Variants in XRCC4 observed in about 807,000 individuals in gnomAD.
XRCC4 encodes the protein X-ray repair cross complementing 4, also known as DNA repair protein XRCC4.
XRCC4 carries 28 observed loss-of-function variants against 39.1 expected under a neutral mutation model. The observed-to-expected ratio is 0.72, with a 90% CI of 0.53 to 0.98. XRCC4 has a LOEUF of 0.98. Among genes scored for constraint, XRCC4 ranks in the 50% least tolerant of loss-of-function variants. The pLI, the probability that XRCC4 is intolerant of heterozygous loss-of-function variation, is 0.00. For missense variants in XRCC4, 350 were observed against 376.4 expected, an observed-to-expected ratio of 0.93 and a Z score of 0.58; for synonymous variants, 123 against 126.4, an observed-to-expected ratio of 0.97 and a Z score of 0.18.
chr5:83,103,566 GTA>G (rs1400884747), intron 1 of XRCC4, among the ~76,000 whole-genome samples: 1 of 151,988 alleles, frequency 6.6e-6, no homozygotes, highest in African/African-American at 2.4e-5. Flanking sequence ...TTACTCTTAG[GTA>G]TATACTCAAC....
chr5:83,234,154 C>A (rs1315605577), intron 6 of XRCC4, among the ~76,000 whole-genome samples: 1 of 152,076 alleles, frequency 6.6e-6, no homozygotes, highest in Non-Finnish European at 1.5e-5. Flanking sequence ...ACATTTAAGG[C>A]CTACCTTTTG....
chr5:83,223,512 A>G (rs1228730105), intron 6 of XRCC4, among the ~76,000 whole-genome samples: 1 of 151,040 alleles, frequency 6.6e-6, no homozygotes, highest in Non-Finnish European at 1.5e-5. Context: ...GTTTTACCTA[A>G]AGTTTATTGT....
chr5:83,213,935 A>G (rs1041977953), intron 6 of XRCC4, among the ~76,000 whole-genome samples: 3 of 152,218 alleles, frequency 2.0e-5, no homozygotes, highest in African/African-American at 7.2e-5. Context: ...GTATTTCACA[A>G]TGATAAAATA....
intron 3 of XRCC4, among the ~76,000 whole-genome samples, chr5:83,132,528 T>C (rs896358280): frequency 6.6e-6 from 1 of 152,094 alleles, no homozygotes; most frequent in Non-Finnish European, 1.5e-5. Flanking sequence ...CAATCAGACG[T>C]AGGTTTGTTC....
intron 3 of XRCC4, among the ~76,000 whole-genome samples, chr5:83,154,728 G>A (rs965801843): frequency 6.6e-6 from 1 of 152,026 alleles, no homozygotes; most frequent in African/African-American, 2.4e-5. Context: ...CCAAGAGAAG[G>A]ATTTTTTTTT....
In XRCC4 at chr5:83,146,570, T is replaced by C. The variant is rs183196559; in HGVS notation, c.315+35367T>C. On this transcript the variant is annotated intron_variant, in intron 3 of 7. Coordinates refer to ENST00000396027, the MANE Select transcript of XRCC4 (RefSeq NM_003401.5). ...CTGGAAAGTAAGAAATCATATATTA[T>C]TCATTTTTGTGTGGTGAAATTCTGT... 3.3e-5 allele frequency among the ~76,000 whole-genome samples: 5 copies of C among 152,332 alleles called. No individual in the cohort carries two copies. In the East Asian group the frequency reaches 9.7e-4, roughly 29 times the overall value.
chr5:83,298,202 A>G (rs763517043), intron 7 of XRCC4, among the ~76,000 whole-genome samples: 17 of 151,570 alleles, frequency 1.1e-4, no homozygotes, highest in Non-Finnish European at 1.8e-4. Flanking sequence ...AAAACCGTCT[A>G]TGGCACCATA....
chr5:83,107,275 A>G (rs73138191), intron 2 of XRCC4, among the ~76,000 whole-genome samples: 2,670 of 152,138 alleles, frequency 0.018, 70 homozygotes, highest in African/African-American at 0.061. Context: ...GGCTTATTCC[A>G]TAAATGTGAT....
chr5:83,112,375 G>A (rs1219652693), intron 3 of XRCC4, among the ~76,000 whole-genome samples: 1 of 152,148 alleles, frequency 6.6e-6, no homozygotes, highest in African/African-American at 2.4e-5. Context: ...TGGGATTAAT[G>A]CCATTTCCCA....
intron 3 of XRCC4, among the ~76,000 whole-genome samples, chr5:83,139,381 G>T (rs1157981325): frequency 6.6e-6 from 1 of 152,176 alleles, no homozygotes. Context: ...AAGCATTACT[G>T]TGGGTGATAT....
At chr5:83,107,656 A>G (rs966011047) in intron 2 of XRCC4, among the ~76,000 whole-genome samples, 7 of 151,894 alleles carry the variant, frequency 4.6e-5, no homozygotes, top group Non-Finnish European at 8.8e-5. Context: ...TCTGACTTTC[A>G]TAAGAATTCC....
At chr5:83,235,581 A>T (rs1752659435) in intron 6 of XRCC4, among the ~76,000 whole-genome samples, 1 of 152,154 alleles carries the variant, frequency 6.6e-6, no homozygotes, top group Non-Finnish European at 1.5e-5. Context: ...GACAAAGGTC[A>T]TGTATGACAA....
chr5:83,109,628 T>C (rs1358743363), intron 2 of XRCC4, among the ~76,000 whole-genome samples: 1 of 151,932 alleles, frequency 6.6e-6, no homozygotes, highest in Admixed American at 6.6e-5. Context: ...CCATTGCCAC[T>C]TTTGAGTGTA....
intron 3 of XRCC4, among the ~76,000 whole-genome samples, chr5:83,132,007 A>G (rs1353730001): frequency 6.6e-6 from 1 of 152,128 alleles, no homozygotes; most frequent in East Asian, 1.9e-4. Context: ...ATGTTTTTGC[A>G]GTGGCTCATA....
chr5:83,362,308 A>C, the XRCC4 span, among the ~76,000 whole-genome samples: 4,744 of 150,690 alleles, frequency 0.031, 131 homozygotes, highest in Non-Finnish European at 0.035. Context: ...AAAAAAAAAA[A>C]AAAAAAAAAA....
intron 3 of XRCC4, among the ~76,000 whole-genome samples, chr5:83,162,748 C>T: frequency 6.6e-6 from 1 of 152,106 alleles, no homozygotes; most frequent in South Asian, 2.1e-4. Flanking sequence ...CAGTTCACGC[C>T]TAACAATGAA....
chr5:83,226,041 A>AT (rs1159991121), intron 6 of XRCC4, among the ~76,000 whole-genome samples: 2 of 151,918 alleles, frequency 1.3e-5, no homozygotes, highest in Non-Finnish European at 1.5e-5. Context: ...AGGGATCTGC[A>AT]TTTTTTTAAA....
chr5:83,097,315 T>C (rs1211970584), intron 1 of XRCC4, among the ~76,000 whole-genome samples: 3 of 151,844 alleles, frequency 2.0e-5, no homozygotes, highest in Non-Finnish European at 4.4e-5. Flanking sequence ...TAAATAGTTT[T>C]GTATTGCTGA....
intron 3 of XRCC4, among the ~76,000 whole-genome samples, chr5:83,122,445 T>C (rs1466522671): frequency 1.3e-5 from 2 of 152,164 alleles, no homozygotes; most frequent in African/African-American, 2.4e-5. Context: ...GGGATGTTGC[T>C]AAGTATTCTA....
Sources: allele counts gnomAD v4.1 joint callset (sites outside exome capture counted in the v4.1 genomes callset), GRCh38; gene constraint gnomAD v4.1.1; transcripts MANE v1.5; gene names NCBI Gene and HGNC (gene_info 2026-07-23, HGNC 2026-07-21).